SGCZ: variants seen among roughly 807,000 people sequenced by gnomAD.
SGCZ encodes zeta-sarcoglycan.
Under a neutral mutation model 41.3 loss-of-function variants are expected in SGCZ, and 40 were observed. The observed-to-expected ratio is 0.97, with a 90% CI of 0.75 to 1.26. SGCZ has a LOEUF of 1.26. Among genes scored for constraint, SGCZ ranks in the 50% most tolerant of loss-of-function variants. The pLI is 0.00. For synonymous variants in SGCZ, 206 were observed against 137.5 expected, an observed-to-expected ratio of 1.50 and a Z score of -3.49; for missense variants, 552 against 369.8, an observed-to-expected ratio of 1.49 and a Z score of -4.04.
At chr8:14,743,434 T>G (rs1799252046) in intron 1 of SGCZ, among the ~76,000 whole-genome samples, 1 of 152,086 alleles carries the variant, frequency 6.6e-6, no homozygotes, top group African/African-American at 2.4e-5. Context: ...AAATAACTTT[T>G]CATATACTGT....
At chr8:15,020,950 T>C (rs556909364) in intron 1 of SGCZ, among the ~76,000 whole-genome samples, 1 of 152,336 alleles carries the variant, frequency 6.6e-6, no homozygotes, top group Admixed American at 6.5e-5. Context: ...ATCTACATTT[T>C]TAAAATGCTT....
Position 14,101,301 on chromosome 8 carries a change from G to A in SGCZ, c.744+1075C>T, listed in dbSNP as rs371625030. On this transcript the variant is annotated intron_variant, in intron 7 of 7. Transcript: ENST00000382080. ...AACTGGGAAGGAGAGGGTAAGAGATGTGGAAGGTGTGAAAATGCAAAGTTA... is the reference window on the plus strand; with the variant it reads ...AACTGGGAAGGAGAGGGTAAGAGATATGGAAGGTGTGAAAATGCAAAGTTA... 1.6e-4 allele frequency among the ~76,000 whole-genome samples: 18 copies of A among 111,646 alleles called. No individual in the cohort carries two copies. In the East Asian group the frequency reaches 3.8e-3, roughly 23 times the overall value. The allele number at this position is 111,646 out of a possible 152,430, so 73.2% of individuals were successfully genotyped here. A position where few individuals can be genotyped will look rare whatever the true frequency, so the allele number is the denominator to read the frequency against.
intron 1 of SGCZ, among the ~76,000 whole-genome samples, chr8:15,001,728 CAAAAAA>C (rs1223307583): frequency 0.26 from 21,446 of 81,092 alleles, 1,502 homozygotes; most frequent in Admixed American, 0.35. Flanking sequence ...GACTCCGTCT[CAAAAAA>C]AAAAAAAAAA....
At chr8:14,205,945 G>A (rs542263148) in intron 4 of SGCZ, among the ~76,000 whole-genome samples, 5 of 152,016 alleles carry the variant, frequency 3.3e-5, no homozygotes, top group East Asian at 3.9e-4. Context: ...GAAATAATTC[G>A]AGTTCATATA....
chr8:14,956,674 C>T (rs1427412885), intron 1 of SGCZ, among the ~76,000 whole-genome samples: 2 of 152,126 alleles, frequency 1.3e-5, no homozygotes, highest in Non-Finnish European at 2.9e-5. Flanking sequence ...GACAAAATTA[C>T]TGATGATTGA....
At chr8:14,107,100 T>C (rs879858874) in intron 6 of SGCZ, among the ~76,000 whole-genome samples, 27 of 151,920 alleles carry the variant, frequency 1.8e-4, no homozygotes, top group South Asian at 6.2e-4. Flanking sequence ...CCTGTAGTCC[T>C]AGCTACTCGA....
intron 2 of SGCZ, among the ~76,000 whole-genome samples, chr8:14,369,678 A>G (rs973337686): frequency 6.6e-6 from 1 of 152,042 alleles, no homozygotes; most frequent in African/African-American, 2.4e-5. Context: ...CTTTTAATTA[A>G]GTAATCAAGT....
intron 1 of SGCZ, among the ~76,000 whole-genome samples, chr8:15,047,491 T>A (rs747590524): frequency 6.6e-5 from 10 of 152,054 alleles, no homozygotes; most frequent in Non-Finnish European, 1.5e-4. Context: ...TGATTTAAAA[T>A]GTTAGTTATG....
chr8:14,432,638 G>T (rs949759064), intron 2 of SGCZ, among the ~76,000 whole-genome samples: 5 of 152,134 alleles, frequency 3.3e-5, no homozygotes, highest in African/African-American at 1.2e-4. Flanking sequence ...TTACAGCAGG[G>T]CGCATTGGCT....
chr8:14,641,161 T>C lies in SGCZ; in HGVS notation c.40-86235A>G, dbSNP rs775937921. On this transcript the variant is annotated intron_variant, in intron 1 of 7. Transcript: ENST00000382080. ...CCAAAGACTCTTTCCCCAAATCATA[T>C]CAAAATTGCTTCTACTGCTGTAACA... Among the ~76,000 whole-genome samples the C allele has an allele frequency of 2.2e-4, 34 of 151,732 alleles. 1 individual carries two copies. The highest frequency in any genetic ancestry group is 1.1e-3 in the Admixed American group (17 of 15,166).
intron 2 of SGCZ, among the ~76,000 whole-genome samples, chr8:14,464,438 G>A (rs987562787): frequency 6.7e-6 from 1 of 150,116 alleles, no homozygotes; most frequent in African/African-American, 2.4e-5. Context: ...CTGTAGAATG[G>A]GTAGTACTGT....
chr8:14,838,458 C>A (rs116414273), intron 1 of SGCZ, among the ~76,000 whole-genome samples: 3,980 of 152,150 alleles, frequency 0.026, 172 homozygotes, highest in African/African-American at 0.089. Context: ...TCATGTACCC[C>A]AGAAGACAAT....
intron 2 of SGCZ, among the ~76,000 whole-genome samples, chr8:14,479,918 T>C (rs889951939): frequency 1.7e-4 from 4 of 23,388 alleles, no homozygotes; most frequent in South Asian, 3.9e-3. Context: ...ACTAATTTTG[T>C]ATTTTTAGTA....
intron 1 of SGCZ, among the ~76,000 whole-genome samples, chr8:14,819,822 T>C (rs77837654): frequency 0.033 from 4,967 of 152,182 alleles, 194 homozygotes; most frequent in African/African-American, 0.093. Context: ...CAAGATTTTA[T>C]GTTAGCACAA....
chr8:15,130,786 C>G (rs1278630109), intron 1 of SGCZ, among the ~76,000 whole-genome samples: 1 of 152,084 alleles, frequency 6.6e-6, no homozygotes, highest in African/African-American at 2.4e-5. Context: ...AGATTATATG[C>G]CTATGTTTTC....
intron 1 of SGCZ, among the ~76,000 whole-genome samples, chr8:15,172,564 A>C (rs1311487961): frequency 1.3e-5 from 2 of 152,216 alleles, no homozygotes; most frequent in Admixed American, 1.3e-4. Flanking sequence ...TTTATAAAAA[A>C]TTAAAATCTA....
intron 3 of SGCZ, among the ~76,000 whole-genome samples, chr8:14,292,889 C>T (rs1439352335): frequency 6.6e-6 from 1 of 151,702 alleles, no homozygotes; most frequent in South Asian, 2.1e-4. Flanking sequence ...ATTATTTTTG[C>T]TATTATTTTC....
chr8:15,005,011 G>A (rs572434662), intron 1 of SGCZ, among the ~76,000 whole-genome samples: 26 of 152,220 alleles, frequency 1.7e-4, no homozygotes, highest in Middle Eastern at 6.8e-3. Flanking sequence ...GTATGCAGTG[G>A]TCAGGTTGAA....
At chr8:14,425,637 AG>A (rs1376529553) in intron 2 of SGCZ, among the ~76,000 whole-genome samples, 1 of 122,094 alleles carries the variant, frequency 8.2e-6, no homozygotes, top group East Asian at 2.3e-4. Flanking sequence ...AAAAAGAAAA[AG>A]AAAAAAAAAA....
Sources: gnomAD v4.1 joint callset for allele counts (sites outside exome capture counted in the v4.1 genomes callset) on GRCh38, gnomAD v4.1.1 for gene constraint, MANE v1.5 for transcripts, NCBI Gene and HGNC (gene_info 2026-07-23, HGNC 2026-07-21) for gene names.